Variants in FAM78B observed in about 807,000 individuals in gnomAD.
FAM78B encodes protein FAM78B.
A neutral mutation model predicts 20.0 loss-of-function variants in FAM78B; 10 were observed. That is an observed-to-expected ratio of 0.50 (90% CI 0.31 to 0.85). The LOEUF (loss-of-function observed/expected upper bound fraction) is 0.85, where lower values mean the gene tolerates loss of function less well. Among genes scored for constraint, FAM78B ranks in the 40% least tolerant of loss-of-function variants. FAM78B has a pLI of 0.05. For missense variants in FAM78B, 283 were observed against 345.0 expected, an observed-to-expected ratio of 0.82 and a Z score of 1.42; for synonymous variants, 135 against 132.8, an observed-to-expected ratio of 1.02 and a Z score of -0.12.
At chr1:166,063,573 A>AATAC (rs200977821) in intron 2 of FAM78B, among the ~76,000 whole-genome samples, 1 of 152,012 alleles carries the variant, frequency 6.6e-6, no homozygotes, top group South Asian at 2.1e-4. Flanking sequence ...AATAATAATA[A>AATAC]AAATATTCTG....
At chr1:166,142,148 C>CTA (rs1655304140) in intron 1 of FAM78B, among the ~76,000 whole-genome samples, 1 of 152,188 alleles carries the variant, frequency 6.6e-6, no homozygotes, top group African/African-American at 2.4e-5. Flanking sequence ...TTGTGGAGAG[C>CTA]TATACCCAGG....
At chr1:166,089,229 T>C (rs1652964835) in intron 1 of FAM78B, among the ~76,000 whole-genome samples, 1 of 152,224 alleles carries the variant, frequency 6.6e-6, no homozygotes, top group Non-Finnish European at 1.5e-5. Flanking sequence ...TCCTGATTCA[T>C]AGAACTTATC....
intron 1 of FAM78B, among the ~76,000 whole-genome samples, chr1:166,102,974 C>T (rs1653592235): frequency 6.6e-6 from 1 of 152,134 alleles, no homozygotes; most frequent in African/African-American, 2.4e-5. Flanking sequence ...CACTCCTCAG[C>T]AAATGTAAAA....
intron 1 of FAM78B, among the ~76,000 whole-genome samples, chr1:166,136,480 C>T (rs1655069187): frequency 6.6e-6 from 1 of 152,148 alleles, no homozygotes; most frequent in South Asian, 2.1e-4. Flanking sequence ...TCTCTCTGCC[C>T]TCACAGCTGC....
rs183654873 is a variant in FAM78B, at chr1:166,116,199, G to A, written c.264-45436C>T. Among the ~76,000 whole-genome samples, 26 of 152,306 alleles carry A rather than the reference G, an allele frequency of 1.7e-4. No individual in the cohort carries two copies. The East Asian group carries it at 3.7e-3, about 22-fold the overall frequency. ...ACAACATCCCTGTGGCATTTTCTCC[G>A]CTGTTTAACTGGGATTGCTCAGACA... On this transcript the variant is annotated intron_variant, in intron 1 of 1. Coordinates refer to ENST00000354422, the MANE Select transcript of FAM78B (RefSeq NM_001017961.5).
At chr1:166,099,531 C>T (rs924456015) in intron 1 of FAM78B, among the ~76,000 whole-genome samples, 1 of 152,116 alleles carries the variant, frequency 6.6e-6, no homozygotes, top group African/African-American at 2.4e-5. Context: ...AGGAGACTCA[C>T]CTAGCACATA....
chr1:166,098,091 G>A (rs10918347), intron 1 of FAM78B, among the ~76,000 whole-genome samples: 29,256 of 152,104 alleles, frequency 0.19, 3,229 homozygotes, highest in East Asian at 0.38. Context: ...ACCTGGAGCC[G>A]GGTAGACTCG....
intron 1 of FAM78B, among the ~76,000 whole-genome samples, chr1:166,103,086 A>T (rs572301347): frequency 3.9e-5 from 6 of 152,324 alleles, no homozygotes; most frequent in African/African-American, 1.4e-4. Flanking sequence ...AAACTGAACA[A>T]CCTGCTCCTG....
At chr1:166,150,013 G>A (rs1055382798) in intron 1 of FAM78B, among the ~76,000 whole-genome samples, 1 of 152,212 alleles carries the variant, frequency 6.6e-6, no homozygotes, top group Admixed American at 6.5e-5. Context: ...GTGAGCCTTG[G>A]GGGTAAGGTC....
intron 1 of FAM78B, among the ~76,000 whole-genome samples, chr1:166,083,496 C>G (rs184391092): frequency 6.6e-6 from 1 of 152,230 alleles, no homozygotes; most frequent in East Asian, 1.9e-4. Context: ...ATAACAAAAC[C>G]CACGCTGTAG....
At chr1:166,100,979 C>T (rs1407689183) in intron 1 of FAM78B, among the ~76,000 whole-genome samples, 1 of 152,208 alleles carries the variant, frequency 6.6e-6, no homozygotes, top group Non-Finnish European at 1.5e-5. Flanking sequence ...GGCCAGGTAC[C>T]ACTCTGAGAC....
chr1:166,127,285 C>A (rs1654678709), intron 1 of FAM78B, among the ~76,000 whole-genome samples: 1 of 152,200 alleles, frequency 6.6e-6, no homozygotes, highest in African/African-American at 2.4e-5. Context: ...AAGTTCAATT[C>A]TGCCCTAGAC....
intron 1 of FAM78B, among the ~76,000 whole-genome samples, chr1:166,078,089 C>T (rs1465967637): frequency 5.4e-5 from 8 of 149,300 alleles, no homozygotes; most frequent in African/African-American, 9.9e-5. Flanking sequence ...TGGAGTGCAG[C>T]GGTATGATCT....
intron 1 of FAM78B, among the ~76,000 whole-genome samples, chr1:166,104,128 A>T (rs1653663677): frequency 6.6e-6 from 1 of 152,226 alleles, no homozygotes; most frequent in Admixed American, 6.5e-5. Context: ...ATAGATGCAG[A>T]AAAGGCTTTT....
At chr1:166,148,694 C>T (rs1267975050) in intron 1 of FAM78B, among the ~76,000 whole-genome samples, 2 of 152,208 alleles carry the variant, frequency 1.3e-5, no homozygotes, top group African/African-American at 4.8e-5. Context: ...GAGGAGACAA[C>T]CTGTGCTGTC....
chr1:166,112,760 T>C (rs1363771647), intron 1 of FAM78B, among the ~76,000 whole-genome samples: 1 of 152,196 alleles, frequency 6.6e-6, no homozygotes, highest in African/African-American at 2.4e-5. Context: ...ACTTCCTACA[T>C]GCCAGGCCCT....
At chr1:166,103,150 A>T (rs1418648420) in intron 1 of FAM78B, among the ~76,000 whole-genome samples, 3 of 152,232 alleles carry the variant, frequency 2.0e-5, no homozygotes, top group Non-Finnish European at 4.4e-5. Flanking sequence ...TGTTCTTTGA[A>T]ACCAATGGGA....
chr1:166,090,594 CCTCAGAGATATGG>C (rs560339358), intron 1 of FAM78B, among the ~76,000 whole-genome samples: 14 of 152,316 alleles, frequency 9.2e-5, no homozygotes, highest in Middle Eastern at 3.4e-3. Context: ...ATAAAAGCCA[CCTCAGAGATATGG>C]CTCATGAGCC....
intron 1 of FAM78B, among the ~76,000 whole-genome samples, chr1:166,105,950 C>G (rs1471940021): frequency 1.3e-5 from 2 of 151,732 alleles, no homozygotes; most frequent in African/African-American, 4.9e-5. Flanking sequence ...AGACTTGGAA[C>G]CAAGCCAAAT....
Sources: allele counts gnomAD v4.1 joint callset (sites outside exome capture counted in the v4.1 genomes callset), GRCh38; gene constraint gnomAD v4.1.1; transcripts MANE v1.5; gene names NCBI Gene and HGNC (gene_info 2026-07-23, HGNC 2026-07-21).